Variants in CNTN5 observed in about 807,000 individuals in gnomAD.
CNTN5 encodes contactin 5, also known as contactin-5.
CNTN5 carries 77 observed loss-of-function variants against 129.1 expected under a neutral mutation model. The observed-to-expected ratio is 0.60, with a 90% confidence interval of 0.50 to 0.72. CNTN5 has a LOEUF of 0.72. CNTN5 is among the 30% of genes least tolerant of loss of function. The probability of loss-of-function intolerance (pLI) is 0.00; values close to 1 mark genes in which losing one functional copy is unlikely to be tolerated. For missense variants in CNTN5, 1,478 were observed against 1,328.8 expected (o/e 1.11, Z -1.75); for synonymous variants, 509 against 465.6 (o/e 1.09, Z -1.20).
intron 9 of CNTN5, among the ~76,000 whole-genome samples, chr11:100,023,238 C>T (rs550855253): frequency 6.6e-6 from 1 of 152,262 alleles, no homozygotes; most frequent in East Asian, 1.9e-4. Flanking sequence ...ATTGCTGTAT[C>T]CTCAAATTTA....
At chr11:100,125,734 G>T (rs1946162752) in intron 13 of CNTN5, among the ~76,000 whole-genome samples, 1 of 152,038 alleles carries the variant, frequency 6.6e-6, no homozygotes. Flanking sequence ...TATCAATTTT[G>T]CTTATCCTTT....
At chr11:99,442,263 G>A (rs1319029593) in intron 2 of CNTN5, among the ~76,000 whole-genome samples, 18 of 152,132 alleles carry the variant, frequency 1.2e-4, no homozygotes, top group African/African-American at 2.6e-4. Flanking sequence ...TCCACCTCCC[G>A]GGTTCTAGCG....
intron 3 of CNTN5, among the ~76,000 whole-genome samples, chr11:99,572,065 A>T (rs1227628847): frequency 6.6e-6 from 1 of 152,240 alleles, no homozygotes; most frequent in Non-Finnish European, 1.5e-5. Context: ...TCAAAAAGAC[A>T]GAATTTCCAA....
At position 100,299,409 on chromosome 11, in the gene CNTN5, A is replaced by G. The variant is rs1168760139; in HGVS notation, c.2620+13A>G. ...TCAGCTGAAGGAGGTCAGTTTTTTT[A>G]TTCCTATTATTTTTATTTAACATTT... On this transcript the variant is annotated intron_variant, in intron 20 of 24. Coordinates refer to ENST00000524871, the MANE Select transcript of CNTN5 (RefSeq NM_014361.4). 2.0e-6 allele frequency: 3 copies of G among 1,471,408 alleles called. No individual in the cohort carries two copies. In the African/African-American group the frequency reaches 4.3e-5, roughly 21 times the overall value. The allele number at this position is 1,471,408 out of a possible 1,614,324, so 91.1% of individuals were successfully genotyped here. A position where few individuals can be genotyped will look rare whatever the true frequency, so the allele number is the denominator to read the frequency against.
chr11:100,193,583 G>A lies in CNTN5; in HGVS notation c.1804G>A (p.Asp602Asn), dbSNP rs200157486. 29 of 1,611,864 alleles carry A rather than the reference G, an allele frequency of 1.8e-5. No homozygotes were observed. Among genetic ancestry groups the A allele is most frequent in the Non-Finnish European group, 2.3e-5 (27 of 1,178,824 alleles). ...NCKAIHDASL[D>N]VTFYWTLKGQ... Reference sequence around the variant, plus strand: ...CAAAGCAATTCACGATGCTAGTTTGGATGTCACTTTCTACTGGACTCTGAA... The same window carrying A: ...CAAAGCAATTCACGATGCTAGTTTGAATGTCACTTTCTACTGGACTCTGAA... The change falls in exon 15 of 25, where the codon GAT (aspartate) becomes AAT (asparagine). Residue 602 changes from aspartate to asparagine, a missense_variant. Coordinates refer to ENST00000524871, the MANE Select transcript of CNTN5 (RefSeq NM_014361.4).
chr11:99,895,559 C>G (rs1035578247), intron 6 of CNTN5, among the ~76,000 whole-genome samples: 2 of 152,148 alleles, frequency 1.3e-5, no homozygotes, highest in Non-Finnish European at 2.9e-5. Flanking sequence ...CCACATAGAG[C>G]AGAGAGGAAT....
intron 21 of CNTN5, among the ~76,000 whole-genome samples, chr11:100,315,021 C>G (rs181464056): frequency 8.5e-5 from 13 of 152,274 alleles, no homozygotes; most frequent in African/African-American, 3.1e-4. Flanking sequence ...TGCAGTCTAG[C>G]AAGGGAGACT....
At chr11:99,481,411 C>T (rs1431663305) in intron 2 of CNTN5, among the ~76,000 whole-genome samples, 1 of 152,014 alleles carries the variant, frequency 6.6e-6, no homozygotes, top group Non-Finnish European at 1.5e-5. Context: ...TGTTTTTGTT[C>T]TGTTTTTCTC....
chr11:100,022,521 G>T (rs1941215024), intron 9 of CNTN5, among the ~76,000 whole-genome samples: 1 of 152,144 alleles, frequency 6.6e-6, no homozygotes, highest in South Asian at 2.1e-4. Context: ...ATAGTACAAT[G>T]ATACTATTTG....
At chr11:99,219,352 C>G in intron 1 of CNTN5, among the ~76,000 whole-genome samples, 1 of 151,610 alleles carries the variant, frequency 6.6e-6, no homozygotes, top group East Asian at 1.9e-4. Flanking sequence ...GAAATTCTGG[C>G]CATAGGGGTG....
At chr11:99,691,575 A>T (rs1246924403) in intron 3 of CNTN5, among the ~76,000 whole-genome samples, 1 of 152,002 alleles carries the variant, frequency 6.6e-6, no homozygotes, top group African/African-American at 2.4e-5. Flanking sequence ...GAATTTCTTA[A>T]TCTTGAGTTC....
At position 100,202,364 on chromosome 11, in the gene CNTN5, G is replaced by A. The variant is rs547961222; in HGVS notation, c.1884+8701G>A. ...TTGTGAGTCAATTATTTCCATTGCC[G>A]GTAACATTTTCATGTATTCTTCTAA... On this transcript the variant is annotated intron_variant, in intron 15 of 24. Transcript: ENST00000524871. Among the ~76,000 whole-genome samples, 6 of 151,440 alleles carry A rather than the reference G, an allele frequency of 4.0e-5. No homozygotes were observed. The East Asian group carries it at 5.8e-4, about 15-fold the overall frequency.
At chr11:99,422,801 G>A (rs1005054430) in intron 2 of CNTN5, among the ~76,000 whole-genome samples, 9 of 151,986 alleles carry the variant, frequency 5.9e-5, no homozygotes, top group African/African-American at 1.7e-4. Context: ...AGAACTTAAA[G>A]GAAGCCAGTG....
At chr11:99,676,411 T>C (rs1288179985) in intron 3 of CNTN5, among the ~76,000 whole-genome samples, 1 of 152,034 alleles carries the variant, frequency 6.6e-6, no homozygotes. Flanking sequence ...AACACAGAAA[T>C]AAATAGACTA....
intron 2 of CNTN5, among the ~76,000 whole-genome samples, chr11:99,430,414 A>T (rs1308974066): frequency 6.6e-6 from 1 of 150,654 alleles, no homozygotes; most frequent in Non-Finnish European, 1.5e-5. Flanking sequence ...CACATATATA[A>T]AGGCATTATA....
intron 9 of CNTN5, among the ~76,000 whole-genome samples, chr11:100,045,572 T>G (rs1942622261): frequency 6.6e-6 from 1 of 152,168 alleles, no homozygotes; most frequent in African/African-American, 2.4e-5. Flanking sequence ...ACTTGTCTAA[T>G]GCTTTAACTA....
At chr11:99,851,115 A>G (rs971742551) in intron 6 of CNTN5, among the ~76,000 whole-genome samples, 7 of 133,154 alleles carry the variant, frequency 5.3e-5, no homozygotes, top group Non-Finnish European at 9.5e-5. Context: ...TTAAATGTCT[A>G]CCCATGAGGA....
intron 2 of CNTN5, among the ~76,000 whole-genome samples, chr11:99,485,221 G>A (rs1043249743): frequency 2.9e-5 from 4 of 135,890 alleles, no homozygotes; most frequent in Non-Finnish European, 6.4e-5. Flanking sequence ...AATTAAAAAA[G>A]CAAAAACCCC....
intron 1 of CNTN5, among the ~76,000 whole-genome samples, chr11:99,097,300 T>A (rs1350844454): frequency 6.6e-6 from 1 of 151,740 alleles, no homozygotes; most frequent in African/African-American, 2.4e-5. Flanking sequence ...CAAACTGAGA[T>A]GGGGTTGGAG....
Sources: allele counts gnomAD v4.1 joint callset (sites outside exome capture counted in the v4.1 genomes callset), GRCh38; gene constraint gnomAD v4.1.1; transcripts MANE v1.5; gene names NCBI Gene and HGNC (gene_info 2026-07-23, HGNC 2026-07-21).